The following RAB6A variants were observed in gnomAD, a reference collection of about 807,000 sequenced individuals.
RAB6A encodes ras-related protein Rab-6A.
In RAB6A, 8 loss-of-function variants were observed where a neutral mutation model predicts 32.3. That is an observed-to-expected ratio of 0.25 (90% CI 0.15 to 0.45). The LOEUF (loss-of-function observed/expected upper bound fraction) is 0.45. Ranked by LOEUF, RAB6A falls within the 20% of genes least tolerant of loss-of-function variation. The pLI is 1.00. For missense variants in RAB6A, 104 were observed against 249.4 expected, an observed-to-expected ratio of 0.42 and a Z score of 3.93; for synonymous variants, 73 against 82.1, an observed-to-expected ratio of 0.89 and a Z score of 0.60.
intron 6 of RAB6A, chr11:73,704,212 T>C (rs1248748592): frequency 2.3e-6 from 1 of 433,384 alleles, no homozygotes; most frequent in Non-Finnish European, 4.6e-6. Context: ...CAAGAACCTA[T>C]TCTCTGGAAA....
At chr11:73,691,012 G>GT (rs1227628326) in intron 6 of RAB6A, among the ~76,000 whole-genome samples, 5 of 135,040 alleles carry the variant, frequency 3.7e-5, no homozygotes, top group African/African-American at 1.4e-4. Context: ...CAAAGGCGGG[G>GT]TTTTTCGGGG....
chr11:73,692,959 A>AAAAACAAAAC (rs201171899), intron 6 of RAB6A, among the ~76,000 whole-genome samples: 1 of 150,676 alleles, frequency 6.6e-6, no homozygotes, highest in African/African-American at 2.4e-5. Context: ...AGACTGTCTC[A>AAAAACAAAAC]AAAACAAAAC....
At chr11:73,708,371 G>T (rs886095554) in intron 5 of RAB6A, among the ~76,000 whole-genome samples, 5 of 152,072 alleles carry the variant, frequency 3.3e-5, no homozygotes, top group Non-Finnish European at 7.4e-5. Flanking sequence ...GTTTCACCAT[G>T]TTGGCCAGGC....
intron 6 of RAB6A, among the ~76,000 whole-genome samples, chr11:73,703,373 A>G (rs1462357012): frequency 1.3e-5 from 2 of 152,208 alleles, no homozygotes; most frequent in Admixed American, 1.3e-4. Context: ...AAAAAAAAAT[A>G]AAGTATATTA....
chr11:73,711,698 ACTCT>A (rs565113457), intron 5 of RAB6A, among the ~76,000 whole-genome samples: 156 of 152,166 alleles, frequency 1.0e-3, no homozygotes, highest in African/African-American at 3.5e-3. Context: ...CCAAAAATCA[ACTCT>A]CTCTCCTCCA....
At chr11:73,745,026 A>G (rs895994637) in intron 1 of RAB6A, among the ~76,000 whole-genome samples, 1 of 152,068 alleles carries the variant, frequency 6.6e-6, no homozygotes, top group East Asian at 1.9e-4. Context: ...ACTGACTACT[A>G]GCACAAGACT....
intron 1 of RAB6A, among the ~76,000 whole-genome samples, chr11:73,757,227 T>G (rs1946776020): frequency 7.7e-6 from 1 of 130,310 alleles, no homozygotes; most frequent in African/African-American, 2.9e-5. Context: ...CACTGCACCC[T>G]CCGCCTCTCA....
At chr11:73,690,910 A>G (rs1424799301) in intron 6 of RAB6A, among the ~76,000 whole-genome samples, 1 of 151,318 alleles carries the variant, frequency 6.6e-6, no homozygotes, top group South Asian at 2.1e-4. Context: ...AAAAAACCCA[A>G]AACACGAACA....
At chr11:73,694,545 T>A (rs997304316) in intron 6 of RAB6A, among the ~76,000 whole-genome samples, 16 of 152,202 alleles carry the variant, frequency 1.1e-4, no homozygotes, top group African/African-American at 3.6e-4. Flanking sequence ...TACACATAAA[T>A]GACAGACACA....
At chr11:73,727,555 C>T (rs866603575) in intron 2 of RAB6A, among the ~76,000 whole-genome samples, 1 of 151,958 alleles carries the variant, frequency 6.6e-6, no homozygotes, top group African/African-American at 2.4e-5. Context: ...GATCCAAACC[C>T]ATCCAACTAC....
chr11:73,720,180 C>CTTTT (rs10688172), intron 3 of RAB6A, among the ~76,000 whole-genome samples: 9 of 130,692 alleles, frequency 6.9e-5, no homozygotes, highest in Admixed American at 3.3e-4. Flanking sequence ...ATACACATTA[C>CTTTT]TTTTTTTTTT....
intron 6 of RAB6A, among the ~76,000 whole-genome samples, chr11:73,684,414 G>T (rs1255258029): frequency 6.6e-6 from 1 of 151,888 alleles, no homozygotes; most frequent in African/African-American, 2.4e-5. Context: ...AGTGATCCAC[G>T]CATCTTGGCC....
chr11:73,726,749 TA>T (rs1255214229), intron 2 of RAB6A, among the ~76,000 whole-genome samples: 3,895 of 138,294 alleles, frequency 0.028, 149 homozygotes, highest in African/African-American at 0.09. Flanking sequence ...AACCCTGTCT[TA>T]AAAAAAAAAA....
Position 73,753,591 on chromosome 11 carries a change from G to C in RAB6A, c.70+6975C>G, listed in dbSNP as rs565001592. Reference sequence around the variant, plus strand: ...CCGGGCATGGTGGCGGGCGCCTGTAGTCCCAGCTACTCCGGAGGCTGAGGC... The same window carrying C: ...CCGGGCATGGTGGCGGGCGCCTGTACTCCCAGCTACTCCGGAGGCTGAGGC... On this transcript the variant is annotated intron_variant, in intron 1 of 7. Coordinates refer to ENST00000336083, the MANE Select transcript of RAB6A (RefSeq NM_198896.2). Among the ~76,000 whole-genome samples, 800 of 151,998 alleles carry C rather than the reference G, an allele frequency of 5.3e-3. 7 individuals carry two copies. Among genetic ancestry groups the C allele is most frequent in the African/African-American group, 0.018 (728 of 41,512 alleles).
intron 5 of RAB6A, among the ~76,000 whole-genome samples, chr11:73,710,596 G>T (rs1945940755): frequency 6.6e-6 from 1 of 151,932 alleles, no homozygotes; most frequent in African/African-American, 2.4e-5. Flanking sequence ...AATTAGCTGG[G>T]TGTGGCGGTG....
chr11:73,713,956 C>T (rs912718392), intron 5 of RAB6A, among the ~76,000 whole-genome samples: 2 of 151,748 alleles, frequency 1.3e-5, no homozygotes, highest in Admixed American at 6.6e-5. Context: ...TTTGGGAAGC[C>T]GAGGCGGGTG....
At chr11:73,743,139 T>TAC (rs892239116) in intron 1 of RAB6A, among the ~76,000 whole-genome samples, 1 of 151,378 alleles carries the variant, frequency 6.6e-6, no homozygotes, top group African/African-American at 2.4e-5. Flanking sequence ...CTACTAAAAA[T>TAC]ACACACACAA....
chr11:73,722,058 T>TATA (rs1270436615), intron 2 of RAB6A, among the ~76,000 whole-genome samples: 13 of 147,624 alleles, frequency 8.8e-5, no homozygotes, highest in Non-Finnish European at 1.2e-4. Context: ...TCTGCCATGA[T>TATA]TGTAAGTTTC....
At chr11:73,724,995 T>G (rs573642403) in intron 2 of RAB6A, among the ~76,000 whole-genome samples, 2 of 152,310 alleles carry the variant, frequency 1.3e-5, no homozygotes, top group African/African-American at 2.4e-5. Context: ...ATGTTGAGAA[T>G]GACAAATGCC....
Sources: allele counts gnomAD v4.1 joint callset (sites outside exome capture counted in the v4.1 genomes callset), GRCh38; gene constraint gnomAD v4.1.1; transcripts MANE v1.5; gene names NCBI Gene and HGNC (gene_info 2026-07-23, HGNC 2026-07-21).